PIKFYVE: variants seen among roughly 807,000 people sequenced by gnomAD.
PIKFYVE encodes the protein 1-phosphatidylinositol 3-phosphate 5-kinase.
PIKFYVE carries 122 observed loss-of-function variants against 257.9 expected under a neutral mutation model. The ratio of observed to expected loss-of-function variants is 0.47; its 90% CI spans 0.41 to 0.55. The LOEUF (loss-of-function observed/expected upper bound fraction) is 0.55, where lower values mean the gene tolerates loss of function less well. Among genes scored for constraint, PIKFYVE ranks in the 20% least tolerant of loss-of-function variants. The probability of loss-of-function intolerance (pLI) is 0.00; values close to 1 mark genes in which losing one functional copy is unlikely to be tolerated. For synonymous variants in PIKFYVE, 892 were observed against 868.9 expected, an observed-to-expected ratio of 1.03 and a Z score of -0.47; for missense variants, 2,160 against 2,536.6, an observed-to-expected ratio of 0.85 and a Z score of 3.19.
chr2:208,275,473 G>A (rs1454219803), intron 3 of PIKFYVE, among the ~76,000 whole-genome samples: 2 of 152,196 alleles, frequency 1.3e-5, no homozygotes, highest in East Asian at 3.8e-4. Flanking sequence ...TGTAGATCAT[G>A]GGGAGTTGTT....
At chr2:208,333,290 G>T (rs1697766590) in intron 23 of PIKFYVE, 25 bp from the exon 24 acceptor site, 3 of 1,609,806 alleles carry the variant, frequency 1.9e-6, no homozygotes, top group Non-Finnish European at 2.5e-6. Flanking sequence ...ATGTGATTAG[G>T]TAAACTATTT....
At chr2:208,303,341 C>T in intron 10 of PIKFYVE, among the ~76,000 whole-genome samples, 1 of 151,710 alleles carries the variant, frequency 6.6e-6, no homozygotes, top group South Asian at 2.1e-4. Context: ...GGATACTGAC[C>T]CCCTGTATAG....
chr2:208,305,657 C>T (rs142601552), intron 12 of PIKFYVE: 151 of 259,774 alleles, frequency 5.8e-4, no homozygotes, highest in African/African-American at 3.3e-3. Context: ...AAGAGGTAAA[C>T]ATTACTAAAA....
intron 37 of PIKFYVE, among the ~76,000 whole-genome samples, 168 bp from the exon 38 acceptor site, chr2:208,351,184 C>T (rs1051638854): frequency 6.6e-6 from 1 of 152,066 alleles, no homozygotes; most frequent in Non-Finnish European, 1.5e-5. Context: ...CCACAGGATC[C>T]CTTCAGTTAA....
At position 208,302,299 on chromosome 2, in the gene PIKFYVE, T is replaced by G; in HGVS notation, c.1266T>G (p.Val422=). The change falls in exon 10 of 42, where the codon GTT becomes GTG. Residue 422 remains valine, a synonymous_variant. Coordinates refer to ENST00000264380, the MANE Select transcript of PIKFYVE (RefSeq NM_015040.4). ...AMVDGRWLDC[V]SHHDQLFRDE... ...TTGATGGACGTTGGCTGGATTGTGT[T>G]AGTCATCACGACCAGCTTTTCAGAG... is the stretch of plus-strand genomic sequence containing the variant. The G allele has an allele frequency of 6.2e-7, 1 of 1,614,172 alleles. No homozygotes were observed. The highest frequency in any genetic ancestry group is 8.5e-7 in the Non-Finnish European group (1 of 1,179,994).
Position 208,338,541 on chromosome 2 carries a change from T to A in PIKFYVE, c.4645T>A (p.Ser1549Thr). ...GATGGATGCATCTCCACGGAATATTTCTCCAGGACTTCAGAATGGAGAAAA... is the reference window on the plus strand; with the variant it reads ...GATGGATGCATCTCCACGGAATATTACTCCAGGACTTCAGAATGGAGAAAA... ...SAMDASPRNI[S>T]PGLQNGEKED... Residue 1549 changes from serine to threonine, a missense_variant, in exon 29 of 42, where the codon TCT becomes ACT. Ser to Thr is a moderately conservative substitution (Grantham distance 58, BLOSUM62 1). Around this residue, in one of 12 missense-constraint regions of PIKFYVE, gnomAD observed 699 missense variants for 855.8 expected, o/e 0.82. Transcript: ENST00000264380. The A allele has an allele frequency of 6.2e-7, 1 of 1,613,446 alleles. No homozygotes were observed. Among genetic ancestry groups the A allele is most frequent in the Non-Finnish European group, 8.5e-7 (1 of 1,179,476 alleles).
rs1696049620 is a variant in PIKFYVE, at chr2:208,320,187, T to A, written c.2083-65T>A. The A allele has an allele frequency of 2.6e-5, 41 of 1,565,142 alleles. No homozygotes were observed. The South Asian group carries it at 4.8e-4, about 18-fold the overall frequency. On this transcript the variant is annotated intron_variant, in intron 16 of 41. Transcript: ENST00000264380. ...TATGAACAATATAGATTTAAAGTTA[T>A]AATTAAAGGAGGGCTGTAAAATGCA...
At chr2:208,307,736 C>G (rs1446270578) in intron 12 of PIKFYVE, among the ~76,000 whole-genome samples, 2 of 152,094 alleles carry the variant, frequency 1.3e-5, no homozygotes, top group Non-Finnish European at 2.9e-5. Context: ...AAAACAACCC[C>G]ATTTCCATTT....
chr2:208,288,682 C>G, intron 6 of PIKFYVE, 47 bp from the exon 7 acceptor site: 1 of 1,610,260 alleles, frequency 6.2e-7, no homozygotes. Context: ...TTGAAATTCC[C>G]TTTTACTGTC....
chr2:208,348,097 G>T (rs1469790651), intron 35 of PIKFYVE, 74 bp downstream of exon 35: 18 of 1,543,340 alleles, frequency 1.2e-5, no homozygotes, highest in Non-Finnish European at 3.6e-6. Context: ...ATTTCTTATA[G>T]CCTTAAATAG....
rs763207991 is a variant in PIKFYVE, at chr2:208,314,346, A to G, written c.1749A>G (p.Thr583=). 2 of 1,613,814 alleles carry G rather than the reference A, an allele frequency of 1.2e-6. No homozygotes were observed. Among genetic ancestry groups the G allele is most frequent in the Admixed American group, 3.3e-5 (2 of 60,012 alleles). Residue 583 remains threonine (T), a synonymous_variant, in exon 14 of 42, where the codon ACA becomes ACG. Coordinates refer to ENST00000264380, the MANE Select transcript of PIKFYVE (RefSeq NM_015040.4). Reference sequence around the variant, plus strand: ...AAAAATCCAAAGAGCTGCCTTTCACACCTTTGGGCTGGCATCATAACAACC... The same window carrying G: ...AAAAATCCAAAGAGCTGCCTTTCACGCCTTTGGGCTGGCATCATAACAACC... ...VEEKSKELPF[T]PLGWHHNNLE...
rs773901114 is a variant in PIKFYVE, at chr2:208,314,475, G to A, written c.1826+52G>A. On this transcript the variant is annotated intron_variant, in intron 14 of 41. Transcript: ENST00000264380. Reference sequence around the variant, plus strand: ...ATTTTTCACTTTTATTATCTTCAGTGACTTGATAAGCATATGCATCATTCC... The same window carrying A: ...ATTTTTCACTTTTATTATCTTCAGTAACTTGATAAGCATATGCATCATTCC... 3 of 1,551,914 alleles carry A rather than the reference G, an allele frequency of 1.9e-6. No individual in the cohort carries two copies. In the African/African-American group the frequency reaches 4.1e-5, roughly 21 times the overall value.
intron 35 of PIKFYVE, 72 bp downstream of exon 35, chr2:208,348,095 T>C (rs1414229790): frequency 1.8e-5 from 27 of 1,533,358 alleles, no homozygotes; most frequent in Non-Finnish European, 2.3e-5. Flanking sequence ...ATATTTCTTA[T>C]AGCCTTAAAT....
chr2:208,357,887 T>C lies in PIKFYVE; in HGVS notation c.*2582T>C, dbSNP rs1007704353. 3 of 152,216 alleles carry C rather than the reference T, an allele frequency of 2.0e-5. No individual in the cohort carries two copies. The highest frequency in any genetic ancestry group is 1.3e-4 in the Admixed American group (2 of 15,286). The allele number at this position is 152,216 out of a possible 1,614,324, so 9.4% of individuals were successfully genotyped here. On this transcript the variant is annotated 3_prime_UTR_variant, in exon 42 of 42. Coordinates refer to ENST00000264380, the MANE Select transcript of PIKFYVE (RefSeq NM_015040.4). ...TTGATAGTAGCAAGAGAAAACTATG[T>C]CAGTAACATGTTGCTTTGTATAAAA...
intron 1 of PIKFYVE, chr2:208,270,015 C>A: frequency 5.6e-6 from 1 of 177,428 alleles, no homozygotes; most frequent in South Asian, 1.9e-4. Context: ...TTGCAGGGTC[C>A]GTGTCTGGGC....
At position 208,339,478 on chromosome 2, in the gene PIKFYVE, T is replaced by G. The variant is rs1698496325; in HGVS notation, c.4733T>G (p.Leu1578Trp). The G allele has an allele frequency of 2.5e-6, 4 of 1,614,128 alleles. No homozygotes were observed. The highest frequency in any genetic ancestry group is 2.5e-6 in the Non-Finnish European group (3 of 1,179,994). Residue 1578 changes from leucine (L) to tryptophan (W), a missense_variant, in exon 30 of 42, where the codon TTG becomes TGG. Physicochemically the swap from Leu to Trp is moderately conservative, Grantham distance 61 (BLOSUM62 -2). Transcript: ENST00000264380. The part of the protein sequence containing the change: ...QSSTSSTHLQ[L>W]PTPPEVMSEQ... ...TCCACCAGTTCTACTCATCTCCAATTGCCTACGCCACCTGAAGTCATGTCT... is the reference window on the plus strand; with the variant it reads ...TCCACCAGTTCTACTCATCTCCAATGGCCTACGCCACCTGAAGTCATGTCT...
intron 13 of PIKFYVE, among the ~76,000 whole-genome samples, chr2:208,313,087 T>C (rs73056445): frequency 6.6e-6 from 1 of 152,232 alleles, no homozygotes; most frequent in Admixed American, 6.5e-5. Context: ...ACATATACTT[T>C]ACTGTGTAAT....
intron 11 of PIKFYVE, 104 bp from the exon 12 acceptor site, chr2:208,304,742 G>A (rs1192848964): frequency 8.1e-6 from 9 of 1,113,000 alleles, no homozygotes. Flanking sequence ...CATTGGGCTT[G>A]TATATTAAAA....
rs544535796 is a variant in PIKFYVE, at chr2:208,285,982, G to A, written c.821+49G>A. On this transcript the variant is annotated intron_variant, in intron 6 of 41. Transcript: ENST00000264380. ...TATTTAGAGTTGAAAAATATCGATAGTTGTCTGACCTTTGAGTGCTTTCAG... is the reference window on the plus strand; with the variant it reads ...TATTTAGAGTTGAAAAATATCGATAATTGTCTGACCTTTGAGTGCTTTCAG... The A allele has an allele frequency of 4.5e-6, 7 of 1,559,080 alleles. No individual in the cohort carries two copies. The South Asian group carries it at 6.7e-5, about 15-fold the overall frequency.
Sources: allele counts gnomAD v4.1 joint callset (sites outside exome capture counted in the v4.1 genomes callset), GRCh38; gene constraint gnomAD v4.1.1; regional missense constraint gnomAD v4.1.1; transcripts MANE v1.5; gene names NCBI Gene and HGNC (gene_info 2026-07-23, HGNC 2026-07-21).